Variants in DLC1 observed in about 807,000 individuals in gnomAD.
The protein encoded by DLC1 is DLC1 Rho GTPase activating protein.
DLC1 carries 54 observed loss-of-function variants against 140.3 expected under a neutral mutation model. That is an observed-to-expected ratio of 0.38 (90% confidence interval 0.31 to 0.48). The LOEUF is 0.48. Among genes scored for constraint, DLC1 ranks in the 20% least tolerant of loss-of-function variants. DLC1 has a pLI of 0.96. For missense variants in DLC1, 2,536 were observed against 1,907.0 expected, an observed-to-expected ratio of 1.33 and a Z score of -6.14; for synonymous variants, 986 against 728.1, an observed-to-expected ratio of 1.35 and a Z score of -5.70.
intron 4 of DLC1, among the ~76,000 whole-genome samples, chr8:13,388,565 A>T (rs1680717033): frequency 6.6e-6 from 1 of 152,048 alleles, no homozygotes; most frequent in Admixed American, 6.6e-5. Flanking sequence ...GGTTCCCTTT[A>T]AAAATTCTAC....
intron 4 of DLC1, among the ~76,000 whole-genome samples, chr8:13,315,441 G>A (rs1350816489): frequency 6.6e-6 from 1 of 152,192 alleles, no homozygotes; most frequent in Non-Finnish European, 1.5e-5. Context: ...GGGCAGAAGA[G>A]ATGTCCTTGT....
In DLC1 at chr8:13,164,344, GTCTGTCTC is replaced by G. The variant is rs1267225901; in HGVS notation, c.1349-48695_1349-48688del. Among the ~76,000 whole-genome samples the G allele has an allele frequency of 6.8e-5, 10 of 146,666 alleles. No homozygotes were observed. The South Asian group carries it at 8.6e-4, about 13-fold the overall frequency. ...TATCTATCTATCTGTCTGTCTGTCT[GTCTGTCTC>G]TCTCTCTGTCTGTCTATTTGTGTTT... On this transcript the variant is annotated intron_variant, in intron 5 of 17. Coordinates refer to ENST00000276297, the MANE Select transcript of DLC1 (RefSeq NM_182643.3).
At chr8:13,475,229 C>G (rs1800385831) in intron 2 of DLC1, among the ~76,000 whole-genome samples, 2 of 152,096 alleles carry the variant, frequency 1.3e-5, no homozygotes, top group Admixed American at 1.3e-4. Context: ...ACGTTTATAT[C>G]AGGGTTGAAT....
intron 2 of DLC1, among the ~76,000 whole-genome samples, chr8:13,477,406 C>A (rs1039720694): frequency 1.3e-5 from 2 of 152,022 alleles, no homozygotes; most frequent in African/African-American, 4.8e-5. Flanking sequence ...CCGTGGGAGA[C>A]CAGGAGCACG....
chr8:13,113,114 A>G (rs1277646346), intron 6 of DLC1, among the ~76,000 whole-genome samples: 1 of 152,252 alleles, frequency 6.6e-6, no homozygotes, highest in African/African-American at 2.4e-5. Context: ...GAGTGTAAGA[A>G]TTAAATCAGT....
intron 2 of DLC1, among the ~76,000 whole-genome samples, chr8:13,418,240 T>C (rs1485289170): frequency 6.6e-6 from 1 of 152,182 alleles, no homozygotes; most frequent in Non-Finnish European, 1.5e-5. Context: ...TTGTCAATTT[T>C]GTCTTTTGTT....
chr8:13,225,624 T>C (rs1391975722), intron 5 of DLC1, among the ~76,000 whole-genome samples: 1 of 150,562 alleles, frequency 6.6e-6, no homozygotes, highest in East Asian at 1.9e-4. Flanking sequence ...TAATTTTTTT[T>C]TTTTTTTTTG....
At chr8:13,230,576 ATTTTTTC>A (rs1231439924) in intron 5 of DLC1, among the ~76,000 whole-genome samples, 28 of 147,362 alleles carry the variant, frequency 1.9e-4, no homozygotes, top group South Asian at 4.3e-4. Context: ...ATAGATATAG[ATTTTTTC>A]TTTTTTCTTT....
At chr8:13,166,531 G>C (rs1049982043) in intron 5 of DLC1, among the ~76,000 whole-genome samples, 4 of 152,078 alleles carry the variant, frequency 2.6e-5, no homozygotes, top group Non-Finnish European at 4.4e-5. Flanking sequence ...AGTAGAGATG[G>C]GGTTTCACCA....
intron 2 of DLC1, among the ~76,000 whole-genome samples, chr8:13,462,937 T>G (rs1396233858): frequency 2.0e-5 from 3 of 152,122 alleles, no homozygotes; most frequent in Non-Finnish European, 4.4e-5. Context: ...TGATGATGCA[T>G]AGGTATCATT....
At chr8:13,363,140 T>G (rs1479804429) in intron 4 of DLC1, among the ~76,000 whole-genome samples, 2 of 152,208 alleles carry the variant, frequency 1.3e-5, no homozygotes, top group Non-Finnish European at 2.9e-5. Flanking sequence ...ATTTGTAAAT[T>G]ACTAATTCTG....
intron 1 of DLC1, chr8:13,559,328 G>A (rs1163593955): frequency 2.0e-5 from 3 of 152,338 alleles, no homozygotes; most frequent in East Asian, 1.9e-4. Flanking sequence ...AAGCATGGAA[G>A]GCTCTAAAGA....
At chr8:13,279,663 C>T (rs1247750659) in intron 5 of DLC1, among the ~76,000 whole-genome samples, 1 of 152,138 alleles carries the variant, frequency 6.6e-6, no homozygotes, top group Non-Finnish European at 1.5e-5. Context: ...TATTTCAACC[C>T]CTTATGGATA....
intron 1 of DLC1, among the ~76,000 whole-genome samples, chr8:13,522,489 G>A (rs989086490): frequency 2.0e-5 from 3 of 152,028 alleles, no homozygotes; most frequent in Non-Finnish European, 4.4e-5. Context: ...GCTGGGCATG[G>A]TGGTGGGTGC....
At chr8:13,216,899 ATT>A (rs1828228369) in intron 5 of DLC1, among the ~76,000 whole-genome samples, 1 of 151,886 alleles carries the variant, frequency 6.6e-6, no homozygotes, top group Non-Finnish European at 1.5e-5. Context: ...TTAACCTGTA[ATT>A]GTTCTCTAAT....
At position 13,401,544 on chromosome 8, in the gene DLC1, G is replaced by T. The variant is rs1452865165; in HGVS notation, c.1099C>A (p.Gln367Lys). 1.2e-6 allele frequency: 2 copies of T among 1,613,394 alleles called. No homozygotes were observed. The highest frequency in any genetic ancestry group is 1.3e-5 in the African/African-American group (1 of 74,876). ...GTGCTGAGGGCATTTTCTATGTCCT[G>T]ATCAAGCTGGTCCAGTTTCATAATC... ...LLIMKLDQLDQDIENALSTSS... is the reference protein window; with the variant it reads ...LLIMKLDQLDKDIENALSTSS... Residue 367 changes from glutamine to lysine, a missense_variant, in exon 3 of 18, where the codon CAG (glutamine) becomes AAG (lysine). Transcript: ENST00000276297.
rs1563577694 is a variant in DLC1 at position 13,094,805 on chromosome 8, T to C, written c.3480A>G (p.Pro1160=). Residue 1160 remains proline, a synonymous_variant, in exon 12 of 18, where the codon CCA becomes CCG. Coordinates refer to ENST00000276297, the MANE Select transcript of DLC1 (RefSeq NM_182643.3). Reference sequence around the variant, plus strand: ...TTTCCGAGAGTTTGTTCGTCATTAGTGGCTCAGGAAGATCTCGAAAATACT... The same window carrying C: ...TTTCCGAGAGTTTGTTCGTCATTAGCGGCTCAGGAAGATCTCGAAAATACT... The part of the protein sequence containing the change: ...LKQYFRDLPE[P]LMTNKLSETF... 1 of 1,614,244 alleles carries C rather than the reference T, an allele frequency of 6.2e-7. No individual in the cohort carries two copies. Among genetic ancestry groups the C allele is most frequent in the Non-Finnish European group, 8.5e-7 (1 of 1,180,042 alleles).
intron 5 of DLC1, among the ~76,000 whole-genome samples, chr8:13,217,453 G>A (rs1049788314): frequency 1.3e-5 from 2 of 152,136 alleles, no homozygotes; most frequent in Admixed American, 6.5e-5. Flanking sequence ...CAATAGCCAT[G>A]TTATGTCTAA....
chr8:13,357,263 T>G (rs1299036638), intron 4 of DLC1, among the ~76,000 whole-genome samples: 1 of 152,040 alleles, frequency 6.6e-6, no homozygotes, highest in African/African-American at 2.4e-5. Flanking sequence ...AGAGTGAGAG[T>G]CTGTCAAACT....
Sources: allele counts gnomAD v4.1 joint callset (sites outside exome capture counted in the v4.1 genomes callset), GRCh38; gene constraint gnomAD v4.1.1; transcripts MANE v1.5; gene names NCBI Gene and HGNC (gene_info 2026-07-23, HGNC 2026-07-21).